The following GSE1 variants were observed in gnomAD, a reference collection of about 807,000 sequenced individuals.
GSE1 encodes genetic suppressor element 1.
A neutral mutation model predicts 112.6 loss-of-function variants in GSE1; 32 were observed. The observed-to-expected ratio is 0.28, with a 90% CI of 0.21 to 0.38. The LOEUF (loss-of-function observed/expected upper bound fraction) is 0.38, where lower values mean the gene tolerates loss of function less well. Among genes scored for constraint, GSE1 ranks in the 10% least tolerant of loss-of-function variants. The pLI is 1.00. For synonymous variants in GSE1, 1,115 were observed against 735.6 expected, an observed-to-expected ratio of 1.52 and a Z score of -8.35; for missense variants, 2,348 against 1,699.2, an observed-to-expected ratio of 1.38 and a Z score of -6.71.
At chr16:85,615,222 G>A (rs1484910594) in intron 1 of GSE1, among the ~76,000 whole-genome samples, 1 of 152,236 alleles carries the variant, frequency 6.6e-6, no homozygotes, top group East Asian at 1.9e-4. Flanking sequence ...CAGGTGAGGG[G>A]CCCAGGGCGC....
intron 1 of GSE1, among the ~76,000 whole-genome samples, chr16:85,202,707 C>A (rs2143570409): frequency 6.6e-6 from 1 of 152,354 alleles, no homozygotes; most frequent in South Asian, 2.1e-4. Flanking sequence ...CCCTGGGGGG[C>A]CTCTGGCCGG....
At chr16:85,209,174 G>A (rs1326537642) in intron 1 of GSE1, among the ~76,000 whole-genome samples, 1 of 152,174 alleles carries the variant, frequency 6.6e-6, no homozygotes, top group African/African-American at 2.4e-5. Context: ...GCTCACTGTG[G>A]CCCTGGCCTG....
intron 1 of GSE1, among the ~76,000 whole-genome samples, chr16:85,177,611 C>T (rs2074493763): frequency 6.6e-6 from 1 of 152,122 alleles, no homozygotes; most frequent in African/African-American, 2.4e-5. Context: ...CTCATTCTGC[C>T]ATCTCGTGCT....
At chr16:85,624,172 G>A (rs543373627) in intron 1 of GSE1, among the ~76,000 whole-genome samples, 2 of 152,320 alleles carry the variant, frequency 1.3e-5, no homozygotes, top group South Asian at 2.1e-4. Context: ...GGAGACCTCA[G>A]TGCCCGCCCT....
chr16:85,276,181 T>C (rs1446611521), intron 1 of GSE1, among the ~76,000 whole-genome samples: 3 of 152,252 alleles, frequency 2.0e-5, no homozygotes, highest in Non-Finnish European at 4.4e-5. Context: ...GCCAGGCCTG[T>C]TGTTTCCGCC....
At position 85,214,694 on chromosome 16, in the gene GSE1, G is replaced by A. The variant is rs1302663106; in HGVS notation, c.2283+42887G>A. ...CTCCCTCTCTGGCCTCTGTGGCCCC[G>A]CCCGGTCCCCTCTCACAGACCGCGT... On this transcript the variant is annotated intron_variant, in intron 1 of 2. Transcript: ENST00000637419. 6.6e-5 allele frequency among the ~76,000 whole-genome samples: 10 copies of A among 152,180 alleles called. No homozygotes were observed. The South Asian group carries it at 8.3e-4, about 13-fold the overall frequency.
chr16:85,470,163 C>T (rs533617813), intron 2 of GSE1, among the ~76,000 whole-genome samples: 7 of 152,374 alleles, frequency 4.6e-5, no homozygotes, highest in East Asian at 1.9e-4. Context: ...GTCGGCAGCT[C>T]GAGCCAGCTG....
intron 2 of GSE1, among the ~76,000 whole-genome samples, chr16:85,370,560 A>T (rs2047273724): frequency 6.6e-6 from 1 of 152,198 alleles, no homozygotes. Flanking sequence ...AAGTGGATAC[A>T]GCAATGATGG....
upstream of GSE1, chr16:85,555,418 G>A (rs1052676900): frequency 6.1e-6 from 6 of 976,894 alleles, no homozygotes; most frequent in Admixed American, 3.1e-4. Context: ...TGTTGGTGGC[G>A]AGAGGGGGAG....
At chr16:85,599,931 G>A (rs2047389897) in intron 1 of GSE1, among the ~76,000 whole-genome samples, 1 of 152,186 alleles carries the variant, frequency 6.6e-6, no homozygotes, top group Non-Finnish European at 1.5e-5. Context: ...CATGGGCAAG[G>A]CTCTGAGACT....
chr16:85,583,937 C>G (rs76706723), intron 1 of GSE1, among the ~76,000 whole-genome samples: 1 of 152,206 alleles, frequency 6.6e-6, no homozygotes, highest in Admixed American at 6.5e-5. Flanking sequence ...GAGTACAAAA[C>G]GCTGTTTCAA....
At chr16:85,465,174 G>C (rs891113057) in intron 2 of GSE1, among the ~76,000 whole-genome samples, 5 of 152,368 alleles carry the variant, frequency 3.3e-5, no homozygotes, top group African/African-American at 9.6e-5. Flanking sequence ...ACGGCCCCTG[G>C]TTCCCGGCTG....
chr16:85,374,347 G>T (rs1483399254), intron 2 of GSE1, among the ~76,000 whole-genome samples: 2 of 150,266 alleles, frequency 1.3e-5, no homozygotes, highest in Non-Finnish European at 3.0e-5. Context: ...GTGTGGTCGC[G>T]CGTGGCCCTC....
intron 2 of GSE1, among the ~76,000 whole-genome samples, chr16:85,426,402 GTGGA>G (rs886661991): frequency 2.1e-5 from 3 of 140,300 alleles, no homozygotes; most frequent in African/African-American, 7.8e-5. Flanking sequence ...GTGAATGAAT[GTGGA>G]TGGATGGATG....
intron 2 of GSE1, among the ~76,000 whole-genome samples, chr16:85,523,197 T>C (rs2151160254): frequency 6.6e-6 from 1 of 151,844 alleles, no homozygotes; most frequent in African/African-American, 2.4e-5. Flanking sequence ...GCCCTGTGTG[T>C]GTGCACGTGT....
At chr16:85,357,648 A>T in intron 2 of GSE1, 1 of 1,287,926 alleles carries the variant, frequency 7.8e-7, no homozygotes, top group Non-Finnish European at 1.0e-6. Flanking sequence ...GTGCAGGTAG[A>T]CGCCAGCTCT....
At chr16:85,208,096 A>G (rs1047065450) in intron 1 of GSE1, among the ~76,000 whole-genome samples, 5 of 152,024 alleles carry the variant, frequency 3.3e-5, no homozygotes, top group Non-Finnish European at 5.9e-5. Context: ...CAGCATTAGG[A>G]GGGAGTCAGG....
chr16:85,482,000 G>A (rs2050695476), intron 2 of GSE1, among the ~76,000 whole-genome samples: 1 of 152,366 alleles, frequency 6.6e-6, no homozygotes, highest in Admixed American at 6.5e-5. Flanking sequence ...CCGGGACTAC[G>A]CCCCTTGCAG....
intron 11 of GSE1, 111 bp downstream of exon 11, chr16:85,663,725 G>A: frequency 1.8e-6 from 2 of 1,124,754 alleles, no homozygotes; most frequent in East Asian, 2.4e-5. Context: ...CACTGAGCCT[G>A]AGGCTGCCCC....
Sources: gnomAD v4.1 joint callset for allele counts (sites outside exome capture counted in the v4.1 genomes callset) on GRCh38, gnomAD v4.1.1 for gene constraint, MANE v1.5 for transcripts, NCBI Gene and HGNC (gene_info 2026-07-23, HGNC 2026-07-21) for gene names.